Variants in CD38 observed in about 807,000 individuals in gnomAD.
CD38 encodes the protein CD38 molecule, also known as ADP-ribosyl cyclase/cyclic ADP-ribose hydrolase 1.
A neutral mutation model predicts 36.3 loss-of-function variants in CD38; 31 were observed. The observed-to-expected ratio is 0.85, with a 90% CI of 0.64 to 1.15. CD38 has a LOEUF of 1.15. Among genes scored for constraint, CD38 ranks in the 50% most tolerant of loss-of-function variants. The probability of loss-of-function intolerance (pLI) is 0.00; values close to 1 mark genes in which losing one functional copy is unlikely to be tolerated. For synonymous variants in CD38, 131 were observed against 135.2 expected (o/e 0.97, Z 0.22); for missense variants, 380 against 371.9 (o/e 1.02, Z -0.18).
intron 2 of CD38, among the ~76,000 whole-genome samples, chr4:15,823,425 C>T (rs1396866488): frequency 6.6e-6 from 1 of 152,166 alleles, no homozygotes; most frequent in Non-Finnish European, 1.5e-5. Flanking sequence ...ATCTATCCCT[C>T]TGACAAAGGT....
Position 15,834,205 on chromosome 4 carries a change from T to A in CD38, c.500-12T>A, listed in dbSNP as rs1201093987. ...GTTTTCCACTTTATTTTCTACAAAC[T>A]ATGTCTTTTAGAAATAAACTATCAA... On this transcript the variant is annotated splice_polypyrimidine_tract_variant and intron_variant, in intron 3 of 7. Transcript: ENST00000226279. 6.5e-7 allele frequency: 1 copy of A among 1,539,148 alleles called. No homozygotes were observed. The highest frequency in any genetic ancestry group is 9.0e-7 in the Non-Finnish European group (1 of 1,111,834).
At chr4:15,795,835 A>G (rs2148917237) in intron 1 of CD38, among the ~76,000 whole-genome samples, 1 of 152,282 alleles carries the variant, frequency 6.6e-6, no homozygotes, top group South Asian at 2.1e-4. Flanking sequence ...TGAAGCAATT[A>G]GCAAAGTTTG....
In CD38 at chr4:15,850,452, G is replaced by C. The variant is rs1475335401; in HGVS notation, c.*1850G>C. ...TGGATTCATATTTTGACATCATGCT[G>C]TCATCTTGAACAAAATGCCTAACCT... On this transcript the variant is annotated 3_prime_UTR_variant, in exon 8 of 8. Transcript: ENST00000226279. The C allele has an allele frequency of 6.6e-6, 1 of 152,196 alleles. No homozygotes were observed. Among genetic ancestry groups the C allele is most frequent in the African/African-American group, 2.4e-5 (1 of 41,438 alleles). 9.4% of individuals were successfully genotyped at this position (152,196 alleles called of 1,614,324 possible).
At chr4:15,799,052 G>T (rs149304155) in intron 1 of CD38, among the ~76,000 whole-genome samples, 14 of 152,042 alleles carry the variant, frequency 9.2e-5, no homozygotes, top group African/African-American at 3.4e-4. Flanking sequence ...TTTCTTTTAG[G>T]GTTGTGCCTT....
rs1446571097 is a variant in CD38, at chr4:15,842,090, C to T, written c.839+1552C>T. 9.3e-5 allele frequency among the ~76,000 whole-genome samples: 12 copies of T among 128,704 alleles called. No homozygotes were observed. In the East Asian group the frequency reaches 2.3e-3, roughly 25 times the overall value. 84.4% of individuals were successfully genotyped at this position (128,704 alleles called of 152,430 possible). A position where few individuals can be genotyped will look rare whatever the true frequency, so the allele number is the denominator to read the frequency against. The stretch of plus-strand genomic sequence containing the variant: ...AAGGAGGCCTGCCTGCCTCTGTAGG[C>T]TCCACCTCTGGGGGCAGGGCACAGA... On this transcript the variant is annotated intron_variant, in intron 7 of 7. Coordinates refer to ENST00000226279, the MANE Select transcript of CD38 (RefSeq NM_001775.4).
intron 1 of CD38, among the ~76,000 whole-genome samples, chr4:15,781,763 T>A (rs1471136203): frequency 6.6e-6 from 1 of 152,250 alleles, no homozygotes; most frequent in Non-Finnish European, 1.5e-5. Flanking sequence ...GAATTGCCAC[T>A]TAAAATTAAT....
intron 3 of CD38, among the ~76,000 whole-genome samples, chr4:15,827,911 A>G (rs1723883838): frequency 6.6e-6 from 1 of 152,082 alleles, no homozygotes; most frequent in African/African-American, 2.4e-5. Context: ...TTTTTATTCT[A>G]AGTTGACAAT....
intron 1 of CD38, among the ~76,000 whole-genome samples, chr4:15,786,779 C>T (rs545166817): frequency 2.1e-4 from 32 of 152,318 alleles, no homozygotes; most frequent in African/African-American, 5.1e-4. Flanking sequence ...GGGAGCAGGG[C>T]GCGGTGCTCG....
At chr4:15,780,934 C>G (rs1722682405) in intron 1 of CD38, among the ~76,000 whole-genome samples, 1 of 152,222 alleles carries the variant, frequency 6.6e-6, no homozygotes, top group Non-Finnish European at 1.5e-5. Flanking sequence ...CATGCTGAAA[C>G]TCCGTCTCTA....
chr4:15,848,454 A>T lies in CD38; in HGVS notation c.840-85A>T, dbSNP rs1724311875. ...GTGGTCTGTGCACCTTGTCGTCGCT[A>T]AAAAAGGGGCTTCCTCCATTAGCGA... is the stretch of plus-strand genomic sequence containing the variant. On this transcript the variant is annotated intron_variant, in intron 7 of 7. Coordinates refer to ENST00000226279, the MANE Select transcript of CD38 (RefSeq NM_001775.4). 4 of 965,120 alleles carry T rather than the reference A, an allele frequency of 4.1e-6. No homozygotes were observed. In the East Asian group the frequency reaches 9.9e-5, roughly 24 times the overall value. 59.8% of individuals were successfully genotyped at this position (965,120 alleles called of 1,614,324 possible). A position where few individuals can be genotyped will look rare whatever the true frequency, so the allele number is the denominator to read the frequency against.
intron 1 of CD38, among the ~76,000 whole-genome samples, chr4:15,808,303 C>T (rs1351921890): frequency 6.6e-6 from 1 of 152,212 alleles, no homozygotes; most frequent in Admixed American, 6.5e-5. Context: ...TTACCTGTTA[C>T]ACAGTGTGGT....
chr4:15,799,897 G>T (rs974605050), intron 1 of CD38, among the ~76,000 whole-genome samples: 1 of 152,140 alleles, frequency 6.6e-6, no homozygotes, highest in Non-Finnish European at 1.5e-5. Flanking sequence ...AGGGAGAAAA[G>T]TCTCTTGGGT....
rs1233366521 is a variant in CD38, at chr4:15,852,223, GC to G, written c.*3622del. ...CCACGTCTCTCATGTAACTGGCAGA[GC>G]TATCAAATATTTTGGCAAAACACAT... On this transcript the variant is annotated 3_prime_UTR_variant, in exon 8 of 8. Coordinates refer to ENST00000226279, the MANE Select transcript of CD38 (RefSeq NM_001775.4). 5.3e-5 allele frequency: 8 copies of G among 152,340 alleles called. No individual in the cohort carries two copies. In the East Asian group the frequency reaches 1.5e-3, roughly 29 times the overall value. 9.4% of individuals were successfully genotyped at this position (152,340 alleles called of 1,614,324 possible). A position where few individuals can be genotyped will look rare whatever the true frequency, so the allele number is the denominator to read the frequency against.
intron 1 of CD38, among the ~76,000 whole-genome samples, chr4:15,801,862 A>C (rs1269567136): frequency 6.6e-6 from 1 of 152,204 alleles, no homozygotes; most frequent in African/African-American, 2.4e-5. Flanking sequence ...AAATGTTGGA[A>C]GTTTTTTCTC....
chr4:15,816,192 C>T (rs1205640579), intron 1 of CD38, among the ~76,000 whole-genome samples: 12 of 152,026 alleles, frequency 7.9e-5, no homozygotes, highest in African/African-American at 2.9e-4. Context: ...ATTTTTGCAT[C>T]GATGTTCATC....
At chr4:15,795,766 C>T (rs904455826) in intron 1 of CD38, among the ~76,000 whole-genome samples, 1 of 152,058 alleles carries the variant, frequency 6.6e-6, no homozygotes, top group African/African-American at 2.4e-5. Context: ...TAGAATGTAT[C>T]AAACATGCTG....
chr4:15,852,218 G>A lies in CD38; in HGVS notation c.*3616G>A, dbSNP rs1336219497. 3 of 152,206 alleles carry A rather than the reference G, an allele frequency of 2.0e-5. No individual in the cohort carries two copies. The highest frequency in any genetic ancestry group is 7.2e-5 in the African/African-American group (3 of 41,440). 9.4% of individuals were successfully genotyped at this position (152,206 alleles called of 1,614,324 possible). On this transcript the variant is annotated 3_prime_UTR_variant, in exon 8 of 8. Transcript: ENST00000226279. ...CATGTCCACGTCTCTCATGTAACTGGCAGAGCTATCAAATATTTTGGCAAA... is the reference window on the plus strand; with the variant it reads ...CATGTCCACGTCTCTCATGTAACTGACAGAGCTATCAAATATTTTGGCAAA...
intron 3 of CD38, among the ~76,000 whole-genome samples, chr4:15,827,055 T>A (rs1414642793): frequency 2.0e-5 from 3 of 152,210 alleles, no homozygotes; most frequent in Admixed American, 2.0e-4. Context: ...AAAGTGCCAG[T>A]GTTCCATGTG....
At position 15,838,082 on chromosome 4, in the gene CD38, T is replaced by C. The variant is rs1308057780; in HGVS notation, c.586-10T>C. 1 of 1,611,428 alleles carries C rather than the reference T, an allele frequency of 6.2e-7. No homozygotes were observed. Among genetic ancestry groups the C allele is most frequent in the East Asian group, 2.2e-5 (1 of 44,886 alleles). ...TTGCATGATGAATGGTGGGCATTTT[T>C]TTTTTTAAGTTTGCAGAAGCTGCCT... On this transcript the variant is annotated splice_polypyrimidine_tract_variant and intron_variant, in intron 4 of 7. Transcript: ENST00000226279.
Sources: allele counts gnomAD v4.1 joint callset (sites outside exome capture counted in the v4.1 genomes callset), GRCh38; gene constraint gnomAD v4.1.1; transcripts MANE v1.5; gene names NCBI Gene and HGNC (gene_info 2026-07-23, HGNC 2026-07-21).